Variants in CFAP20DC observed in about 807,000 individuals in gnomAD.
CFAP20DC encodes the protein CFAP20 domain containing.
CFAP20DC carries 84 observed loss-of-function variants against 101.7 expected under a neutral mutation model. The observed-to-expected ratio is 0.83, with a 90% CI of 0.69 to 0.99. The LOEUF is 0.99. Ranked by LOEUF, CFAP20DC falls within the 50% of genes least tolerant of loss-of-function variation. CFAP20DC has a pLI of 0.00. For synonymous variants in CFAP20DC, 359 were observed against 351.2 expected, an observed-to-expected ratio of 1.02 and a Z score of -0.25; for missense variants, 1,007 against 970.3, an observed-to-expected ratio of 1.04 and a Z score of -0.50.
chr3:58,887,489 T>C (rs1384699614), intron 6 of CFAP20DC: 2 of 152,192 alleles, frequency 1.3e-5, no homozygotes, highest in Non-Finnish European at 2.9e-5. Context: ...GTGTGACAAG[T>C]ACAAGGATAC....
intron 15 of CFAP20DC, among the ~76,000 whole-genome samples, chr3:58,767,406 A>T (rs2070418208): frequency 6.6e-6 from 1 of 152,214 alleles, no homozygotes; most frequent in African/African-American, 2.4e-5. Flanking sequence ...TTACTAGCTT[A>T]AAAAAACTAA....
chr3:58,844,335 A>G (rs2077422202), intron 13 of CFAP20DC, among the ~76,000 whole-genome samples: 1 of 143,562 alleles, frequency 7.0e-6, no homozygotes, highest in African/African-American at 2.7e-5. Context: ...AGCAAATGGA[A>G]AACAAAAAAA....
chr3:58,890,597 G>T (rs1342501873), intron 6 of CFAP20DC, among the ~76,000 whole-genome samples: 10 of 151,452 alleles, frequency 6.6e-5, no homozygotes, highest in African/African-American at 2.4e-4. Flanking sequence ...GGACGGGGTG[G>T]CTGCCGGGCG....
intron 4 of CFAP20DC, among the ~76,000 whole-genome samples, chr3:58,995,747 G>A (rs756243379): frequency 2.0e-5 from 3 of 152,146 alleles, no homozygotes; most frequent in Non-Finnish European, 2.9e-5. Context: ...ATAAAATGGT[G>A]GAGTAAGGGA....
At chr3:59,021,447 C>G (rs2093801060) in intron 4 of CFAP20DC, among the ~76,000 whole-genome samples, 1 of 152,024 alleles carries the variant, frequency 6.6e-6, no homozygotes. Flanking sequence ...TGTCAAGTGT[C>G]TATAATTAAA....
intron 15 of CFAP20DC, among the ~76,000 whole-genome samples, chr3:58,791,262 C>T (rs1377232140): frequency 1.3e-5 from 2 of 151,988 alleles, no homozygotes; most frequent in East Asian, 1.9e-4. Flanking sequence ...CACTTTCTAC[C>T]ATTTAATAAA....
At chr3:58,870,424 C>T (rs959754779) in intron 7 of CFAP20DC, 115 bp from the exon 8 acceptor site, 21 of 967,502 alleles carry the variant, frequency 2.2e-5, no homozygotes, top group Non-Finnish European at 3.1e-5. Flanking sequence ...TCCCCCCTCC[C>T]CCCTCAGCAT....
intron 4 of CFAP20DC, among the ~76,000 whole-genome samples, chr3:59,038,754 T>C (rs992146356): frequency 6.6e-6 from 1 of 152,156 alleles, no homozygotes; most frequent in Non-Finnish European, 1.5e-5. Flanking sequence ...ATATTGTGTG[T>C]TTGATGGCTT....
intron 5 of CFAP20DC, among the ~76,000 whole-genome samples, chr3:58,934,305 A>C (rs999024046): frequency 1.3e-5 from 2 of 152,234 alleles, no homozygotes; most frequent in African/African-American, 4.8e-5. Flanking sequence ...AAAAGAGTCC[A>C]GGACCAGATG....
At chr3:59,012,249 A>T (rs1054675159) in intron 4 of CFAP20DC, among the ~76,000 whole-genome samples, 1 of 152,244 alleles carries the variant, frequency 6.6e-6, no homozygotes, top group African/African-American at 2.4e-5. Context: ...GATTTCACAG[A>T]TGGAGATGAA....
chr3:58,943,507 A>G (rs1257865471), intron 4 of CFAP20DC, among the ~76,000 whole-genome samples: 2 of 152,194 alleles, frequency 1.3e-5, no homozygotes, highest in Non-Finnish European at 2.9e-5. Flanking sequence ...AAACTAACAA[A>G]CAGAAAGGAA....
intron 15 of CFAP20DC, among the ~76,000 whole-genome samples, chr3:58,756,453 G>A (rs1472857198): frequency 1.3e-5 from 2 of 152,036 alleles, no homozygotes; most frequent in Non-Finnish European, 2.9e-5. Context: ...CATTTTCAAT[G>A]TGAGTATATT....
intron 6 of CFAP20DC, among the ~76,000 whole-genome samples, chr3:58,907,585 TC>T (rs2083732642): frequency 6.6e-6 from 1 of 152,284 alleles, no homozygotes; most frequent in Admixed American, 6.5e-5. Context: ...TCAGAGATGT[TC>T]AGAACTCATA....
At chr3:58,886,564 A>T (rs2081645250) in intron 6 of CFAP20DC, among the ~76,000 whole-genome samples, 1 of 151,992 alleles carries the variant, frequency 6.6e-6, no homozygotes, top group African/African-American at 2.4e-5. Flanking sequence ...TATCTTTAAA[A>T]AAAAAACAAA....
intron 4 of CFAP20DC, among the ~76,000 whole-genome samples, chr3:59,027,213 C>G (rs1320654030): frequency 6.6e-6 from 1 of 152,192 alleles, no homozygotes; most frequent in Non-Finnish European, 1.5e-5. Context: ...TACTGCTATG[C>G]AAGGATCACA....
intron 4 of CFAP20DC, among the ~76,000 whole-genome samples, chr3:58,987,284 G>C (rs564618735): frequency 6.6e-6 from 1 of 152,068 alleles, no homozygotes; most frequent in Non-Finnish European, 1.5e-5. Context: ...ACCACTAAAA[G>C]AACAGAAATA....
At chr3:58,804,055 A>G (rs988136176) in intron 15 of CFAP20DC, among the ~76,000 whole-genome samples, 31 of 152,218 alleles carry the variant, frequency 2.0e-4, no homozygotes, top group African/African-American at 7.2e-4. Flanking sequence ...ATGAAATAAA[A>G]GTAGTGTGAT....
At chr3:58,827,879 G>C (rs943245386) in intron 14 of CFAP20DC, among the ~76,000 whole-genome samples, 5 of 152,216 alleles carry the variant, frequency 3.3e-5, no homozygotes, top group Non-Finnish European at 7.3e-5. Flanking sequence ...TGGAATGAGT[G>C]AATGTGAGAC....
intron 3 of CFAP20DC, chr3:58,726,904 A>T (rs1353582185): frequency 1.2e-5 from 3 of 242,324 alleles, no homozygotes; most frequent in Non-Finnish European, 1.7e-5. Flanking sequence ...CACTCGCGCC[A>T]TCAGAAGAGA....
Sources: gnomAD v4.1 joint callset for allele counts (sites outside exome capture counted in the v4.1 genomes callset) on GRCh38, gnomAD v4.1.1 for gene constraint, MANE v1.5 for transcripts, NCBI Gene and HGNC (gene_info 2026-07-23, HGNC 2026-07-21) for gene names.